EDA: variants seen among roughly 807,000 people sequenced by gnomAD.
EDA encodes the protein ectodysplasin A, also known as ectodysplasin-A.
EDA carries 2 observed loss-of-function variants against 23.6 expected under a neutral mutation model. The ratio of observed to expected loss-of-function variants is 0.08; its 90% CI spans 0.03 to 0.27. The LOEUF is 0.27. Among genes scored for constraint, EDA ranks in the 10% least tolerant of loss-of-function variants. The pLI is 1.00. For synonymous variants in EDA, 131 were observed against 132.0 expected, an observed-to-expected ratio of 0.99 and a Z score of 0.05; for missense variants, 229 against 324.2, an observed-to-expected ratio of 0.71 and a Z score of 2.26.
At chrX:69,829,651 T>G in intron 1 of EDA, among the ~76,000 whole-genome samples, 1 of 111,906 alleles carries the variant, frequency 8.9e-6, no homozygotes, top group South Asian at 3.7e-4. Flanking sequence ...AGAAATGGAA[T>G]CACCTGAGAC....
At chrX:69,886,257 A>G (rs1280192028) in intron 1 of EDA, among the ~76,000 whole-genome samples, 2 of 112,058 alleles carry the variant, frequency 1.8e-5, no homozygotes, top group East Asian at 2.8e-4. Context: ...AGTCCTGCCC[A>G]TGAAGAGACC....
At chrX:70,029,210 G>C (rs1040317223) in intron 4 of EDA, among the ~76,000 whole-genome samples, 2 of 112,736 alleles carry the variant, frequency 1.8e-5, no homozygotes. Context: ...ACAGTGATGG[G>C]AATGCTCTCT....
chrX:69,992,395 T>C (rs2019600321), intron 2 of EDA, among the ~76,000 whole-genome samples: 1 of 112,554 alleles, frequency 8.9e-6, no homozygotes, highest in South Asian at 3.7e-4. Flanking sequence ...TGGCATCCTA[T>C]TGTCTTTATG....
At chrX:69,839,773 T>C (rs183690116) in intron 1 of EDA, among the ~76,000 whole-genome samples, 2 of 112,123 alleles carry the variant, frequency 1.8e-5, no homozygotes, top group East Asian at 2.8e-4. Context: ...GATGGTGAAG[T>C]AGTTGAAGAA....
chrX:70,027,870 ACCTCCTGGACCCAATGGC>A lies in EDA; in HGVS notation c.546_563del (p.Asn185_Pro190del). ...CCTATTTTTCAGGAAAGAAAGCAGG[ACCTCCTGGACCCAATGGC>A]CCTCCAGGACCCCCAGGACCTCCAG... On this transcript the variant is annotated inframe_deletion, in exon 4 of 8. Coordinates refer to ENST00000374552, the MANE Select transcript of EDA (RefSeq NM_001399.5). 2 of 878,114 alleles carry A rather than the reference ACCTCCTGGACCCAATGGC, an allele frequency of 2.3e-6. No homozygotes were observed. Among genetic ancestry groups the A allele is most frequent in the Non-Finnish European group, 3.3e-6 (2 of 607,952 alleles). The allele number at this position is 878,114 out of a possible 1,213,427, so 72.4% of individuals were successfully genotyped here. A position where few individuals can be genotyped will look rare whatever the true frequency, so the allele number is the denominator to read the frequency against.
chrX:69,694,296 A>T (rs1426886077), intron 1 of EDA, among the ~76,000 whole-genome samples: 5 of 111,874 alleles, frequency 4.5e-5, no homozygotes, highest in African/African-American at 1.6e-4. Context: ...AGGTAATCTG[A>T]CCTCAATCAG....
intron 1 of EDA, among the ~76,000 whole-genome samples, chrX:69,793,552 G>A (rs868278013): frequency 4.1e-5 from 2 of 49,047 alleles, no homozygotes; most frequent in African/African-American, 1.8e-4. Context: ...GGAGCTTTTT[G>A]TTTGTTTGTT....
intron 1 of EDA, among the ~76,000 whole-genome samples, chrX:69,803,029 G>A (rs1195863320): frequency 9.0e-6 from 1 of 111,102 alleles, no homozygotes; most frequent in Non-Finnish European, 1.9e-5. Context: ...TGATCACAGG[G>A]AAGATTCTGT....
chrX:69,778,902 G>T (rs183182742), intron 1 of EDA, among the ~76,000 whole-genome samples: 1 of 111,527 alleles, frequency 9.0e-6, no homozygotes, highest in Admixed American at 9.5e-5. Context: ...AATAGTTTGG[G>T]CTTTATGACA....
intron 1 of EDA, among the ~76,000 whole-genome samples, chrX:69,694,668 A>G (rs1022196620): frequency 3.6e-5 from 4 of 112,045 alleles, no homozygotes; most frequent in African/African-American, 1.3e-4. Context: ...CGTTGATGCA[A>G]TTGACAAGGA....
intron 1 of EDA, among the ~76,000 whole-genome samples, chrX:69,848,417 A>C (rs867870641): frequency 4.5e-5 from 5 of 111,347 alleles, no homozygotes; most frequent in Admixed American, 1.9e-4. Context: ...CATTGGCTCT[A>C]TGCCATTTAC....
At chrX:70,033,965 G>C (rs2020233114) in intron 7 of EDA, among the ~76,000 whole-genome samples, 1 of 111,512 alleles carries the variant, frequency 9.0e-6, no homozygotes, top group East Asian at 2.8e-4. Context: ...TGCTCCTGCA[G>C]ACTTTCTTTC....
At chrX:69,899,526 T>TTGTG (rs35667127) in intron 1 of EDA, among the ~76,000 whole-genome samples, 4 of 108,177 alleles carry the variant, frequency 3.7e-5, no homozygotes, top group Admixed American at 1.0e-4. Flanking sequence ...TTATTAACAG[T>TTGTG]TGTGTGTGTG....
intron 1 of EDA, among the ~76,000 whole-genome samples, chrX:69,674,103 C>G (rs1439411691): frequency 4.6e-5 from 2 of 43,327 alleles, no homozygotes; most frequent in Non-Finnish European, 9.3e-5. Flanking sequence ...TAGGAAAAGC[C>G]TATCTATCTA....
intron 1 of EDA, among the ~76,000 whole-genome samples, chrX:69,618,691 C>T (rs1932070415): frequency 9.0e-6 from 1 of 111,195 alleles, no homozygotes; most frequent in Admixed American, 9.5e-5. Flanking sequence ...TGGAGCTCCA[C>T]ATTAGAACTT....
chrX:69,757,621 G>A (rs2014165367), intron 1 of EDA, among the ~76,000 whole-genome samples: 1 of 112,296 alleles, frequency 8.9e-6, no homozygotes, highest in Non-Finnish European at 1.9e-5. Context: ...TGTTCATAAG[G>A]AAGGAAAATC....
At chrX:69,710,766 G>A (rs2011976725) in intron 1 of EDA, among the ~76,000 whole-genome samples, 1 of 111,383 alleles carries the variant, frequency 9.0e-6, no homozygotes, top group Admixed American at 9.6e-5. Context: ...GTGAATGGGA[G>A]TTCACTCATG....
chrX:69,818,756 A>G (rs148811809), intron 1 of EDA, among the ~76,000 whole-genome samples: 1 of 111,838 alleles, frequency 8.9e-6, no homozygotes, highest in East Asian at 2.8e-4. Context: ...GCCCAGGACC[A>G]GATTGATTCA....
At position 69,780,513 on chromosome X, in the gene EDA, C is replaced by G. The variant is rs147018262; in HGVS notation, c.396+163809C>G. ...AACCCTATACCTATTAGCAGCCATT[C>G]CCTGTTTTCTCCTGAGGACCTGGTG... On this transcript the variant is annotated intron_variant, in intron 1 of 7. Coordinates refer to ENST00000374552, the MANE Select transcript of EDA (RefSeq NM_001399.5). Among the ~76,000 whole-genome samples, 460 of 111,364 alleles carry G rather than the reference C, an allele frequency of 4.1e-3. 8 individuals are homozygous for G. Among genetic ancestry groups the G allele is most frequent in the Admixed American group, 0.04 (418 of 10,469 alleles).
Sources: allele counts gnomAD v4.1 joint callset (sites outside exome capture counted in the v4.1 genomes callset), GRCh38; gene constraint gnomAD v4.1.1; transcripts MANE v1.5; gene names NCBI Gene and HGNC (gene_info 2026-07-23, HGNC 2026-07-21).